The following FLRT1 variants were observed in gnomAD, a reference collection of about 807,000 sequenced individuals.
FLRT1 encodes fibronectin leucine rich transmembrane protein 1, also known as leucine-rich repeat transmembrane protein FLRT1.
FLRT1 carries 14 observed loss-of-function variants against 30.9 expected under a neutral mutation model. That is an observed-to-expected ratio of 0.45 (90% CI 0.30 to 0.71). FLRT1 has a LOEUF of 0.71. Among genes scored for constraint, FLRT1 ranks in the 30% least tolerant of loss-of-function variants. The pLI, the probability that FLRT1 is intolerant of heterozygous loss-of-function variation, is 0.08. For synonymous variants in FLRT1, 368 were observed against 430.4 expected, an observed-to-expected ratio of 0.85 and a Z score of 1.80; for missense variants, 737 against 949.2, an observed-to-expected ratio of 0.78 and a Z score of 2.94.
chr11:64,086,793 G>GCCCTCAT (rs1373159625), intron 1 of FLRT1: 2 of 152,270 alleles, frequency 1.3e-5, no homozygotes, highest in African/African-American at 4.8e-5. Flanking sequence ...CTGGACGTGA[G>GCCCTCAT]CCCTCATCCG....
At position 64,096,816 on chromosome 11, in the gene FLRT1, G is replaced by A. The variant is rs988259198; in HGVS notation, c.-1037-6378G>A. Among the ~76,000 whole-genome samples, 2 of 152,198 alleles carry A rather than the reference G, an allele frequency of 1.3e-5. No individual in the cohort carries two copies. Among genetic ancestry groups the A allele is most frequent in the African/African-American group, 2.4e-5 (1 of 41,454 alleles). On this transcript the variant is annotated intron_variant, in intron 1 of 2. Transcript: ENST00000682287. The surrounding 1 kb of genome is among the most constrained non-coding windows in gnomAD (Gnocchi z 4.6). ...GAGGGCAGGCCTGTGGGGGGCTGCC[G>A]TGTCCCCATACCCTCCAAGCACACT...
In FLRT1 at chr11:64,117,555, A is replaced by G; in HGVS notation, c.1288A>G (p.Met430Val). ...CCCCGACTCCAACATTGACTACCCC[A>G]TGGCCACGGGTGATGGCGCCAAGAC... ...RLPDSNIDYP[M>V]ATGDGAKTLA... Residue 430 changes from methionine to valine, a missense_variant, in exon 3 of 3, where the codon ATG becomes GTG. Physicochemically the swap from Met to Val is conservative, Grantham distance 21 (BLOSUM62 1). Transcript: ENST00000682287. 1 of 1,605,996 alleles carries G rather than the reference A, an allele frequency of 6.2e-7. No homozygotes were observed. The highest frequency in any genetic ancestry group is 8.5e-7 in the Non-Finnish European group (1 of 1,174,716).
chr11:64,067,325 G>C lies in FLRT1; in HGVS notation c.-1038+31166G>C, dbSNP rs534285638. 1.3e-3 allele frequency among the ~76,000 whole-genome samples: 191 copies of C among 152,298 alleles called. No homozygotes were observed. Among genetic ancestry groups the C allele is most frequent in the Non-Finnish European group, 2.3e-3 (156 of 68,018 alleles). Reference sequence around the variant, plus strand: ...TCCTCCCCACTGCTCAGCCTCTCCCGGAGGATGGTGAGGGGGGAATCCATT... The same window carrying C: ...TCCTCCCCACTGCTCAGCCTCTCCCCGAGGATGGTGAGGGGGGAATCCATT... On this transcript the variant is annotated intron_variant, in intron 1 of 2. Transcript: ENST00000682287. This position sits in a 1 kb window ranked among gnomAD's most constrained non-coding sequence, Gnocchi z 4.6.
intron 2 of FLRT1, among the ~76,000 whole-genome samples, chr11:64,104,855 G>A (rs1377977162): frequency 6.6e-6 from 1 of 152,170 alleles, no homozygotes; most frequent in Non-Finnish European, 1.5e-5. Context: ...CGCTGAGGAG[G>A]GGCTGACTCC....
At chr11:64,060,872 G>A (rs950023772) in intron 1 of FLRT1, among the ~76,000 whole-genome samples, 12 of 152,210 alleles carry the variant, frequency 7.9e-5, no homozygotes, top group Admixed American at 3.3e-4. Flanking sequence ...AGCCCTCCAG[G>A]CCGGGCGTGT....
intron 1 of FLRT1, among the ~76,000 whole-genome samples, chr11:64,071,825 G>GGC (rs1164662514): frequency 6.6e-6 from 1 of 152,138 alleles, no homozygotes; most frequent in Non-Finnish European, 1.5e-5. Flanking sequence ...ATCTTTAAGG[G>GGC]GCATCGAGAC....
intron 1 of FLRT1, among the ~76,000 whole-genome samples, chr11:64,077,650 C>T (rs1310873224): frequency 6.6e-6 from 1 of 152,126 alleles, no homozygotes; most frequent in Non-Finnish European, 1.5e-5. Flanking sequence ...CGCTCAGAGG[C>T]ACATGCTGGC....
chr11:64,066,016 C>T (rs1476039910), intron 1 of FLRT1, among the ~76,000 whole-genome samples: 3 of 152,084 alleles, frequency 2.0e-5, no homozygotes, highest in Non-Finnish European at 4.4e-5. Flanking sequence ...TGAATTTAGG[C>T]CGGGTGTGGT....
intron 1 of FLRT1, among the ~76,000 whole-genome samples, chr11:64,054,534 C>T (rs1943749455): frequency 6.6e-6 from 1 of 152,134 alleles, no homozygotes; most frequent in Admixed American, 6.5e-5. Flanking sequence ...CTCAGAGGTG[C>T]CTGATGGGGT....
intron 1 of FLRT1, among the ~76,000 whole-genome samples, chr11:64,088,041 C>A (rs1245940873): frequency 6.6e-6 from 1 of 152,140 alleles, no homozygotes; most frequent in Admixed American, 6.5e-5. Context: ...CCCTGGTGGC[C>A]CTGTCACTGG....
chr11:64,105,572 G>A (rs540361983), intron 2 of FLRT1, among the ~76,000 whole-genome samples: 8 of 152,308 alleles, frequency 5.3e-5, no homozygotes, highest in African/African-American at 1.9e-4. Context: ...CCAACACTCA[G>A]GCACCCAGCC....
intron 1 of FLRT1, among the ~76,000 whole-genome samples, chr11:64,052,026 C>A (rs1279860622): frequency 4.6e-5 from 7 of 151,554 alleles, no homozygotes; most frequent in African/African-American, 1.7e-4. Flanking sequence ...TGCTAATGAA[C>A]TTGGCTGGTA....
intron 1 of FLRT1, among the ~76,000 whole-genome samples, chr11:64,062,992 C>T (rs1943933129): frequency 6.6e-6 from 1 of 152,234 alleles, no homozygotes; most frequent in Non-Finnish European, 1.5e-5. Context: ...GGGGACAGGG[C>T]TCCCGGCCCA....
chr11:64,093,019 T>C (rs1440737806), intron 1 of FLRT1, among the ~76,000 whole-genome samples: 1 of 152,168 alleles, frequency 6.6e-6, no homozygotes, highest in African/African-American at 2.4e-5. Context: ...CCGGAGTGGC[T>C]GGTGTGGCCT....
intron 1 of FLRT1, among the ~76,000 whole-genome samples, chr11:64,097,506 G>A (rs1944597844): frequency 6.6e-6 from 1 of 152,242 alleles, no homozygotes; most frequent in Admixed American, 6.5e-5. Flanking sequence ...CTTGAGGGTG[G>A]GCGCTGGCAA....
chr11:64,110,858 TAG>T (rs1233600624), intron 2 of FLRT1, among the ~76,000 whole-genome samples: 11 of 152,236 alleles, frequency 7.2e-5, no homozygotes, highest in Non-Finnish European at 1.5e-4. Flanking sequence ...CCCAGGCAAT[TAG>T]AGATTCCTCT....
rs1408654750 is a variant in FLRT1 at position 64,068,935 on chromosome 11, T to C, written c.-1038+32776T>C. On this transcript the variant is annotated intron_variant, in intron 1 of 2. Coordinates refer to ENST00000682287, the MANE Select transcript of FLRT1 (RefSeq NM_013280.5). ...ATCCGTGTGAACCCCCACCCCAGAG[T>C]GGCCCAGGTGCCAACAGACAGCACT... 7.9e-5 allele frequency among the ~76,000 whole-genome samples: 12 copies of C among 152,152 alleles called. No homozygotes were observed. In the East Asian group the frequency reaches 2.3e-3, roughly 29 times the overall value.
chr11:64,054,811 A>G (rs1363365158), intron 1 of FLRT1, among the ~76,000 whole-genome samples: 7 of 151,888 alleles, frequency 4.6e-5, no homozygotes, highest in Non-Finnish European at 1.0e-4. Context: ...TGTCTCCTCA[A>G]GTGGCCACCC....
intron 1 of FLRT1, among the ~76,000 whole-genome samples, chr11:64,075,667 G>GGCT (rs1311505590): frequency 6.6e-6 from 1 of 152,232 alleles, no homozygotes; most frequent in African/African-American, 2.4e-5. Context: ...ATCTGGCCCT[G>GGCT]GCTGCTGCTG....
Sources: gnomAD v4.1 joint callset for allele counts (sites outside exome capture counted in the v4.1 genomes callset) on GRCh38, gnomAD v4.1.1 for gene constraint, Gnocchi (gnomAD v3.1) non-coding constraint, MANE v1.5 for transcripts, NCBI Gene and HGNC (gene_info 2026-07-23, HGNC 2026-07-21) for gene names.